The following KAZN variants were observed in gnomAD, a reference collection of about 807,000 sequenced individuals.
The protein encoded by KAZN is kazrin.
In KAZN, 40 loss-of-function variants were observed where a neutral mutation model predicts 87.4. That is an observed-to-expected ratio of 0.46 (90% CI 0.36 to 0.60). KAZN has a LOEUF of 0.60. Ranked by LOEUF, KAZN falls within the 20% of genes least tolerant of loss-of-function variation. The pLI is 0.00. For missense variants in KAZN, 898 were observed against 1,073.9 expected (o/e 0.84, Z 2.29); for synonymous variants, 466 against 458.3 (o/e 1.02, Z -0.22).
chr1:14,555,095 A>G (rs961152716), intron 2 of KAZN, among the ~76,000 whole-genome samples: 1 of 152,246 alleles, frequency 6.6e-6, no homozygotes, highest in Admixed American at 6.5e-5. Flanking sequence ...ATCTGCTGTC[A>G]TAATTGGCAA....
At chr1:14,808,884 C>T (rs1051241580) in intron 1 of KAZN, among the ~76,000 whole-genome samples, 1 of 152,144 alleles carries the variant, frequency 6.6e-6, no homozygotes, top group Non-Finnish European at 1.5e-5. Flanking sequence ...TGAATCCTAG[C>T]ACACTGGAGA....
intron 2 of KAZN, among the ~76,000 whole-genome samples, chr1:14,514,085 C>T (rs1044344078): frequency 5.3e-5 from 8 of 150,140 alleles, no homozygotes; most frequent in Non-Finnish European, 1.0e-4. Context: ...CTTTGGGAGG[C>T]CGAGGCAGGT....
chr1:15,034,666 G>A (rs867003162), intron 2 of KAZN, 83 bp from the exon 3 acceptor site: 15 of 1,515,082 alleles, frequency 9.9e-6, no homozygotes, highest in Middle Eastern at 1.7e-4. Flanking sequence ...CAAAGGTGAC[G>A]GCGGTGATGC....
At chr1:14,712,389 T>G (rs1024801988) in intron 1 of KAZN, among the ~76,000 whole-genome samples, 8 of 152,178 alleles carry the variant, frequency 5.3e-5, no homozygotes, top group Admixed American at 3.9e-4. Flanking sequence ...GTCTGTGTTT[T>G]GGCTCAAACC....
intron 1 of KAZN, among the ~76,000 whole-genome samples, chr1:13,991,197 A>AAAT (rs1639269819): frequency 6.6e-6 from 1 of 152,200 alleles, no homozygotes; most frequent in African/African-American, 2.4e-5. Flanking sequence ...TCCATGGTGT[A>AAAT]AATACCTGCA....
intron 4 of KAZN, among the ~76,000 whole-genome samples, chr1:15,055,494 G>A (rs574919966): frequency 6.6e-6 from 1 of 152,168 alleles, no homozygotes; most frequent in South Asian, 2.1e-4. Flanking sequence ...AAAAAGGAGT[G>A]TTCTTGGAAC....
intron 2 of KAZN, among the ~76,000 whole-genome samples, chr1:14,440,770 A>T (rs1235474101): frequency 6.6e-6 from 1 of 152,232 alleles, no homozygotes; most frequent in Non-Finnish European, 1.5e-5. Flanking sequence ...TCACTCATCC[A>T]TGAAGCCTGT....
Position 14,373,198 on chromosome 1 carries a change from A to AATATATATATAT in KAZN, c.249+192623_249+192634dup, listed in dbSNP as rs58491688. Among the ~76,000 whole-genome samples, 378 of 149,188 alleles carry AATATATATATAT rather than the reference A, an allele frequency of 2.5e-3. 2 individuals carry two copies. Among genetic ancestry groups the AATATATATATAT allele is most frequent in the East Asian group, 0.022 (109 of 4,860 alleles). On this transcript the variant is annotated intron_variant, in intron 2 of 16. Coordinates refer to the KAZN transcript ENST00000636203. ...TTGTTAGGGTTCTCCTGAAAAACTG[A>AATATATATATAT]ATATATATATATATATATATATATA...
At chr1:14,963,756 T>A (rs903801037) in intron 2 of KAZN, among the ~76,000 whole-genome samples, 2 of 152,158 alleles carry the variant, frequency 1.3e-5, no homozygotes, top group African/African-American at 4.8e-5. Context: ...AATTAGATAT[T>A]TGTCCTAATG....
chr1:14,234,181 A>C (rs1648147959), intron 2 of KAZN, among the ~76,000 whole-genome samples: 1 of 152,246 alleles, frequency 6.6e-6, no homozygotes, highest in African/African-American at 2.4e-5. Context: ...TGGATAAAGA[A>C]AATGTGGAAC....
chr1:15,065,695 C>T lies in KAZN; in HGVS notation c.1164C>T (p.Ile388=). Residue 388 remains isoleucine (I), a synonymous_variant, in exon 8 of 15, where the codon ATC becomes ATT. Coordinates refer to ENST00000376030, the MANE Select transcript of KAZN (RefSeq NM_201628.3). The stretch of plus-strand genomic sequence containing the variant: ...AAGAGAAGATGGGATTCGGCTCCAT[C>T]TCCCGCGTCTTCGCCAGAGGGAAGC... ...KKKEKMGFGS[I]SRVFARGKQR... The T allele has an allele frequency of 6.2e-7, 1 of 1,614,256 alleles. No homozygotes were observed. The highest frequency in any genetic ancestry group is 8.5e-7 in the Non-Finnish European group (1 of 1,180,036).
chr1:14,013,575 G>A lies in KAZN; in HGVS notation c.91+119819G>A, dbSNP rs115770102. On this transcript the variant is annotated intron_variant, in intron 1 of 16. Coordinates refer to the KAZN transcript ENST00000636203. Reference sequence around the variant, plus strand: ...CTCAAACTCCATAATCATGGGATTCGTGCTGTATCTCAGAGAAAGGCACCA... The same window carrying A: ...CTCAAACTCCATAATCATGGGATTCATGCTGTATCTCAGAGAAAGGCACCA... Among the ~76,000 whole-genome samples the A allele has an allele frequency of 4.6e-3, 696 of 152,230 alleles. 1 individual carries two copies. Among genetic ancestry groups the A allele is most frequent in the African/African-American group, 0.014 (583 of 41,542 alleles).
rs531106818 is a variant in KAZN, at chr1:14,423,922, GAATT to G, written c.250-175058_250-175055del. ...CTATAAAGGAAAAGACACTGACTGA[GAATT>G]AAGCCCAACAGAGGGAAATAAGCCA... is the stretch of plus-strand genomic sequence containing the variant. On this transcript the variant is annotated intron_variant, in intron 2 of 16. Coordinates refer to the KAZN transcript ENST00000636203. 7.8e-4 allele frequency among the ~76,000 whole-genome samples: 119 copies of G among 152,312 alleles called. 2 individuals carry two copies. The Middle Eastern group carries it at 0.01, about 13-fold the overall frequency.
chr1:15,048,955 C>T (rs1557755254), intron 4 of KAZN, among the ~76,000 whole-genome samples: 2 of 152,060 alleles, frequency 1.3e-5, no homozygotes, highest in Non-Finnish European at 2.9e-5. Context: ...ATTGTGCAGC[C>T]ACCACTGCTG....
At chr1:14,269,323 TA>T (rs35936892) in intron 2 of KAZN, among the ~76,000 whole-genome samples, 1 of 151,398 alleles carries the variant, frequency 6.6e-6, no homozygotes. Context: ...TTGATAATGA[TA>T]AAAAAAAAGT....
chr1:14,492,453 A>G (rs1669698981), intron 2 of KAZN, among the ~76,000 whole-genome samples: 1 of 151,724 alleles, frequency 6.6e-6, no homozygotes, highest in Admixed American at 6.6e-5. Context: ...GTGCTGGGAA[A>G]TCAACGGGAA....
At chr1:14,247,465 C>T (rs918815010) in intron 2 of KAZN, among the ~76,000 whole-genome samples, 1 of 152,170 alleles carries the variant, frequency 6.6e-6, no homozygotes, top group Admixed American at 6.5e-5. Flanking sequence ...CATTTAAAAA[C>T]ATTCAATTTG....
At chr1:15,037,088 C>T (rs1267592832) in intron 3 of KAZN, among the ~76,000 whole-genome samples, 1 of 152,174 alleles carries the variant, frequency 6.6e-6, no homozygotes, top group Non-Finnish European at 1.5e-5. Context: ...CCTCTGCTCC[C>T]TGCCTCCCCT....
intron 1 of KAZN, among the ~76,000 whole-genome samples, chr1:14,113,261 A>T (rs1278927196): frequency 1.4e-4 from 21 of 152,148 alleles, no homozygotes; most frequent in Non-Finnish European, 5.9e-5. Flanking sequence ...CCTGTCTCTT[A>T]GGGAGTTGGG....
Sources: gnomAD v4.1 joint callset for allele counts (sites outside exome capture counted in the v4.1 genomes callset) on GRCh38, gnomAD v4.1.1 for gene constraint, MANE v1.5 for transcripts, NCBI Gene and HGNC (gene_info 2026-07-23, HGNC 2026-07-21) for gene names.